CNTNAP2: variants seen among roughly 807,000 people sequenced by gnomAD.
The protein encoded by CNTNAP2 is contactin associated protein 2.
A neutral mutation model predicts 155.2 loss-of-function variants in CNTNAP2; 98 were observed. That is an observed-to-expected ratio of 0.63 (90% CI 0.54 to 0.75). The LOEUF (loss-of-function observed/expected upper bound fraction) is 0.75. Ranked by LOEUF, CNTNAP2 falls within the 30% of genes least tolerant of loss-of-function variation. The pLI, the probability that CNTNAP2 is intolerant of heterozygous loss-of-function variation, is 0.00. For missense variants in CNTNAP2, 1,727 were observed against 1,688.1 expected (o/e 1.02, Z -0.40); for synonymous variants, 651 against 631.2 (o/e 1.03, Z -0.47).
At chr7:147,074,913 AT>A (rs1428439378) in intron 4 of CNTNAP2, among the ~76,000 whole-genome samples, 2 of 152,000 alleles carry the variant, frequency 1.3e-5, no homozygotes, top group East Asian at 3.9e-4. Context: ...CTTCTGAAGC[AT>A]TTTTTTTAAT....
At chr7:146,327,643 T>C (rs1201146000) in intron 1 of CNTNAP2, among the ~76,000 whole-genome samples, 1 of 152,224 alleles carries the variant, frequency 6.6e-6, no homozygotes, top group African/African-American at 2.4e-5. Context: ...GGTCAATTTT[T>C]ATGGTGGCAT....
chr7:147,814,985 C>T (rs908710902), intron 13 of CNTNAP2, among the ~76,000 whole-genome samples: 4 of 152,038 alleles, frequency 2.6e-5, no homozygotes, highest in Non-Finnish European at 5.9e-5. Flanking sequence ...AGTAGTCCTA[C>T]GTTTTAGGGA....
intron 12 of CNTNAP2, among the ~76,000 whole-genome samples, chr7:147,568,888 C>T (rs1372365967): frequency 2.6e-5 from 4 of 152,104 alleles, no homozygotes; most frequent in African/African-American, 7.2e-5. Flanking sequence ...TACTGTCTAT[C>T]CTTAAACCTA....
intron 20 of CNTNAP2, among the ~76,000 whole-genome samples, chr7:148,247,595 TTC>T (rs140317251): frequency 0.086 from 11,414 of 132,220 alleles, 728 homozygotes; most frequent in South Asian, 0.13. Flanking sequence ...GCTTCTCCCA[TTC>T]TCTCTCTCTC....
At chr7:146,833,034 AGC>A (rs1478779979) in intron 2 of CNTNAP2, among the ~76,000 whole-genome samples, 2 of 152,110 alleles carry the variant, frequency 1.3e-5, no homozygotes, top group Non-Finnish European at 2.9e-5. Context: ...TATAATTGGT[AGC>A]CTTTCCTCAG....
intron 3 of CNTNAP2, among the ~76,000 whole-genome samples, chr7:146,856,711 G>C (rs114580959): frequency 1.6e-3 from 243 of 152,284 alleles, no homozygotes; most frequent in African/African-American, 5.7e-3. Context: ...AGTGGACTGA[G>C]AAGGACCCAA....
At chr7:148,148,802 G>A (rs1805244160) in intron 17 of CNTNAP2, among the ~76,000 whole-genome samples, 1 of 152,148 alleles carries the variant, frequency 6.6e-6, no homozygotes, top group Non-Finnish European at 1.5e-5. Context: ...CAAAGGTGTG[G>A]GTCAATGAGC....
At chr7:146,879,933 T>C (rs1175756565) in intron 3 of CNTNAP2, among the ~76,000 whole-genome samples, 3 of 151,918 alleles carry the variant, frequency 2.0e-5, no homozygotes, top group Admixed American at 1.3e-4. Flanking sequence ...ACATCTTACA[T>C]GGTGGCAGAC....
intron 1 of CNTNAP2, among the ~76,000 whole-genome samples, chr7:146,285,776 C>A (rs1232012294): frequency 2.6e-4 from 1 of 3,854 alleles, no homozygotes; most frequent in Non-Finnish European, 5.3e-4. Context: ...CCCTCCCTTC[C>A]CCTCCCCCCT....
chr7:147,435,653 A>G (rs2116537471), intron 10 of CNTNAP2, among the ~76,000 whole-genome samples: 1 of 152,328 alleles, frequency 6.6e-6, no homozygotes, highest in South Asian at 2.1e-4. Flanking sequence ...CTGCAAGCCT[A>G]GACGCTACTG....
chr7:148,345,582 G>A (rs775350653), intron 21 of CNTNAP2, among the ~76,000 whole-genome samples: 3 of 151,922 alleles, frequency 2.0e-5, no homozygotes, highest in East Asian at 1.9e-4. Flanking sequence ...ATGGGGTTTC[G>A]CTATGTTGGC....
chr7:147,833,687 C>T (rs1348708181), intron 13 of CNTNAP2, among the ~76,000 whole-genome samples: 1 of 152,210 alleles, frequency 6.6e-6, no homozygotes, highest in Non-Finnish European at 1.5e-5. Flanking sequence ...GTTCCAAACT[C>T]TGCATGTCAG....
At chr7:147,481,207 G>A (rs1043435882) in intron 10 of CNTNAP2, among the ~76,000 whole-genome samples, 1 of 152,176 alleles carries the variant, frequency 6.6e-6, no homozygotes, top group African/African-American at 2.4e-5. Context: ...TTCAACGTGC[G>A]TTGATGATTA....
intron 13 of CNTNAP2, among the ~76,000 whole-genome samples, chr7:147,848,190 C>T (rs1357246760): frequency 2.1e-5 from 3 of 141,912 alleles, no homozygotes; most frequent in African/African-American, 5.1e-5. Flanking sequence ...GCGCCCCTCC[C>T]CCAGCCTCGT....
chr7:147,378,297 A>C (rs964332179), intron 9 of CNTNAP2, among the ~76,000 whole-genome samples: 10 of 151,992 alleles, frequency 6.6e-5, no homozygotes, highest in African/African-American at 2.4e-4. Flanking sequence ...AATTTAACTT[A>C]TATTGGTATA....
intron 9 of CNTNAP2, among the ~76,000 whole-genome samples, chr7:147,385,319 C>T (rs1279755194): frequency 1.3e-5 from 2 of 152,136 alleles, no homozygotes; most frequent in Non-Finnish European, 2.9e-5. Context: ...TCATGCCTTC[C>T]CAACAGTCCC....
chr7:147,754,048 A>T (rs12538925), intron 13 of CNTNAP2, among the ~76,000 whole-genome samples: 1,698 of 152,266 alleles, frequency 0.011, 99 homozygotes, highest in Admixed American at 0.089. Context: ...AGCTCTAAAT[A>T]CAATACTGAG....
intron 8 of CNTNAP2, among the ~76,000 whole-genome samples, chr7:147,183,186 T>C (rs1802500731): frequency 6.6e-6 from 1 of 152,008 alleles, no homozygotes; most frequent in Admixed American, 6.6e-5. Context: ...CTACTTCTAA[T>C]CTAAATTAAA....
At chr7:146,242,261 C>T (rs944138062) in intron 1 of CNTNAP2, among the ~76,000 whole-genome samples, 6 of 152,104 alleles carry the variant, frequency 3.9e-5, no homozygotes, top group Non-Finnish European at 5.9e-5. Context: ...TAAAACAGGC[C>T]GGGCGCCGTG....
Sources: gnomAD v4.1 joint callset for allele counts (sites outside exome capture counted in the v4.1 genomes callset) on GRCh38, gnomAD v4.1.1 for gene constraint, MANE v1.5 for transcripts, NCBI Gene and HGNC (gene_info 2026-07-23, HGNC 2026-07-21) for gene names.